TACC1: variants seen among roughly 807,000 people sequenced by gnomAD.
The protein encoded by TACC1 is transforming acidic coiled-coil-containing protein 1.
Under a neutral mutation model 84.4 loss-of-function variants are expected in TACC1, and 48 were observed. That is an observed-to-expected ratio of 0.57 (90% CI 0.45 to 0.72). TACC1 has a LOEUF of 0.72. Ranked by LOEUF, TACC1 falls within the 30% of genes least tolerant of loss-of-function variation. The pLI is 0.00. For missense variants in TACC1, 920 were observed against 973.0 expected (o/e 0.95, Z 0.72); for synonymous variants, 372 against 376.3 (o/e 0.99, Z 0.13).
chr8:38,748,871 C>T (rs1332013618), intron 3 of TACC1, among the ~76,000 whole-genome samples: 2 of 151,178 alleles, frequency 1.3e-5, no homozygotes, highest in South Asian at 2.1e-4. Flanking sequence ...TCTTAATTTT[C>T]ACTGTTAAAA....
chr8:38,831,501 T>C (rs1375105341), intron 6 of TACC1, among the ~76,000 whole-genome samples: 3 of 152,058 alleles, frequency 2.0e-5, no homozygotes, highest in African/African-American at 7.2e-5. Context: ...ATTGTTGTTA[T>C]TATTATTATT....
In TACC1 at chr8:38,840,276, A is replaced by G. The variant is rs749672990; in HGVS notation, c.1960+9A>G. ...TATTGCTCAAATGATTGGTAAGGAG[A>G]ACATTTTGTTTTTTGAGGGTATGAG... On this transcript the variant is annotated intron_variant, in intron 9 of 12. Transcript: ENST00000317827. The G allele has an allele frequency of 3.9e-5, 63 of 1,612,396 alleles. No individual in the cohort carries two copies. Among genetic ancestry groups the G allele is most frequent in the Middle Eastern group, 3.3e-4 (2 of 6,080 alleles).
At chr8:38,780,619 T>G (rs948963507) in intron 3 of TACC1, among the ~76,000 whole-genome samples, 3 of 141,920 alleles carry the variant, frequency 2.1e-5, no homozygotes, top group African/African-American at 7.6e-5. Flanking sequence ...CTTGTTGGTG[T>G]TGTTTTTTTT....
chr8:38,788,028 C>G (rs1817701996), intron 1 of TACC1: 2 of 448,452 alleles, frequency 4.5e-6, no homozygotes, highest in Non-Finnish European at 7.9e-6. Flanking sequence ...AGCTTCGACC[C>G]CCAGCCCCCG....
chr8:38,729,852 G>A (rs1433910220), intron 1 of TACC1, among the ~76,000 whole-genome samples: 3 of 152,034 alleles, frequency 2.0e-5, no homozygotes, highest in Non-Finnish European at 2.9e-5. Context: ...CTGGGCAACC[G>A]AGCAAGACTG....
chr8:38,775,840 T>C (rs1373258493), intron 3 of TACC1, among the ~76,000 whole-genome samples: 1 of 152,234 alleles, frequency 6.6e-6, no homozygotes, highest in East Asian at 1.9e-4. Context: ...TCATACATGA[T>C]GAGGTACAGG....
At chr8:38,769,958 TGA>T (rs909774479) in intron 3 of TACC1, among the ~76,000 whole-genome samples, 3 of 149,954 alleles carry the variant, frequency 2.0e-5, no homozygotes, top group Non-Finnish European at 3.0e-5. Context: ...TGTGTGTGTG[TGA>T]GAGAGAGTGG....
intron 3 of TACC1, among the ~76,000 whole-genome samples, chr8:38,754,323 T>A (rs1266234193): frequency 1.3e-5 from 2 of 152,120 alleles, no homozygotes; most frequent in African/African-American, 2.4e-5. Flanking sequence ...GTAAGATTCT[T>A]CCCGGCAGCC....
chr8:38,766,860 A>G (rs1812350838), intron 3 of TACC1, among the ~76,000 whole-genome samples: 1 of 152,176 alleles, frequency 6.6e-6, no homozygotes, highest in African/African-American at 2.4e-5. Flanking sequence ...TCAATTCCAG[A>G]GTGTTTCTGC....
chr8:38,814,816 A>C (rs997863377), intron 2 of TACC1, among the ~76,000 whole-genome samples: 29 of 152,260 alleles, frequency 1.9e-4, no homozygotes, highest in Non-Finnish European at 4.4e-5. Flanking sequence ...ACAAACCCAC[A>C]GCAAATGAAA....
intron 3 of TACC1, among the ~76,000 whole-genome samples, chr8:38,780,621 G>GT (rs1379496730): frequency 2.9e-4 from 39 of 136,204 alleles, no homozygotes; most frequent in African/African-American, 4.5e-4. Context: ...TGTTGGTGTT[G>GT]TTTTTTTTTG....
chr8:38,788,117 G>T, intron 1 of TACC1: 1 of 216,850 alleles, frequency 4.6e-6, no homozygotes, highest in Non-Finnish European at 9.1e-6. Context: ...GTCGCTCCCC[G>T]GCCCTTCCCG....
chr8:38,846,727 A>G lies in TACC1; in HGVS notation c.2257A>G (p.Thr753Ala), dbSNP rs1047709270. 1.9e-6 allele frequency: 3 copies of G among 1,614,066 alleles called. No homozygotes were observed. The African/African-American group carries it at 4.0e-5, about 22-fold the overall frequency. Residue 753 changes from threonine to alanine, a missense_variant, in exon 12 of 13, where the codon ACA (threonine) becomes GCA (alanine). Transcript: ENST00000317827. ...KANEEIAQVR[T>A]KAKAESAALH... ...CAATGAAGAGATTGCTCAGGTTCGA[A>G]CAAAAGCAAAGGCTGAGAGTGCAGC...
intron 6 of TACC1, among the ~76,000 whole-genome samples, chr8:38,831,921 C>T (rs1442401748): frequency 6.6e-6 from 1 of 152,186 alleles, no homozygotes; most frequent in Admixed American, 6.5e-5. Context: ...GTTCTCCTCC[C>T]TCAGCCTCCT....
chr8:38,761,609 C>T lies in TACC1; in HGVS notation c.26+16116C>T, dbSNP rs569782261. Among the ~76,000 whole-genome samples, 89 of 152,134 alleles carry T rather than the reference C, an allele frequency of 5.9e-4. 1 individual carries two copies. Among genetic ancestry groups the T allele is most frequent in the Admixed American group, 1.7e-3 (26 of 15,264 alleles). On this transcript the variant is annotated intron_variant, in intron 3 of 14. Transcript: ENST00000518415. The stretch of plus-strand genomic sequence containing the variant: ...GGTGCTGGCTTGGAGGTTTTAGACA[C>T]AAGAAAACATGAATTAAAATAACTA...
chr8:38,819,885 A>G lies in TACC1; in HGVS notation c.641A>G (p.Lys214Arg). The G allele has an allele frequency of 6.2e-7, 1 of 1,614,052 alleles. No homozygotes were observed. The highest frequency in any genetic ancestry group is 8.5e-7 in the Non-Finnish European group (1 of 1,180,028). The change falls in exon 3 of 13, where the codon AAA becomes AGA. Residue 214 changes from lysine to arginine, a missense_variant. This residue lies in a region of TACC1 where 762 missense variants were observed against 747.3 expected (regional missense o/e 1.02). Transcript: ENST00000317827. ...GAGGCCTCCGCAGAAGCTGATCTAA[A>G]AGCTGGCAACTCCTGTCCAGAGCTT... ...TLEASAEADL[K>R]AGNSCPELVP...
rs571766374 is a variant in TACC1 at position 38,827,989 on chromosome 8, C to T, written c.1660+614C>T. On this transcript the variant is annotated intron_variant, in intron 5 of 12. Transcript: ENST00000317827. ...CCAAGCTATTCATGAGGGATCCGCT[C>T]CTATGACCCAGCCACCTCCCATTAG... The T allele has an allele frequency of 2.6e-5, 4 of 153,840 alleles. No homozygotes were observed. In the South Asian group the frequency reaches 8.1e-4, roughly 31 times the overall value. The allele number at this position is 153,840 out of a possible 1,614,324, so 9.5% of individuals were successfully genotyped here.
At chr8:38,753,832 G>A (rs746442718) in intron 3 of TACC1, among the ~76,000 whole-genome samples, 86 of 152,144 alleles carry the variant, frequency 5.7e-4, no homozygotes, top group Non-Finnish European at 1.0e-3. Context: ...TTATTTTACA[G>A]AGTTCCTTTT....
chr8:38,791,530 T>G (rs938211391), intron 2 of TACC1, among the ~76,000 whole-genome samples: 2 of 152,188 alleles, frequency 1.3e-5, no homozygotes, highest in African/African-American at 2.4e-5. Flanking sequence ...ACAGCAAATG[T>G]GCAAAGACAG....
Sources: allele counts gnomAD v4.1 joint callset (sites outside exome capture counted in the v4.1 genomes callset), GRCh38; gene constraint gnomAD v4.1.1; regional missense constraint gnomAD v4.1.1; transcripts MANE v1.5; gene names NCBI Gene and HGNC (gene_info 2026-07-23, HGNC 2026-07-21).